Variants in PDHX observed in about 807,000 individuals in gnomAD.
PDHX encodes pyruvate dehydrogenase complex component X, also known as pyruvate dehydrogenase protein X component, mitochondrial.
PDHX carries 33 observed loss-of-function variants against 55.3 expected under a neutral mutation model. The observed-to-expected ratio is 0.60, with a 90% confidence interval of 0.45 to 0.80. The LOEUF is 0.80. Among genes scored for constraint, PDHX ranks in the 30% least tolerant of loss-of-function variants. The pLI, the probability that PDHX is intolerant of heterozygous loss-of-function variation, is 0.00. For synonymous variants in PDHX, 226 were observed against 219.4 expected, an observed-to-expected ratio of 1.03 and a Z score of -0.27; for missense variants, 622 against 619.9, an observed-to-expected ratio of 1.00 and a Z score of -0.04.
intron 3 of PDHX, among the ~76,000 whole-genome samples, chr11:34,955,289 T>C (rs1854880049): frequency 6.6e-6 from 1 of 152,102 alleles, no homozygotes; most frequent in East Asian, 1.9e-4. Context: ...ATTTACGTAT[T>C]TATACTAAGT....
intron 8 of PDHX, among the ~76,000 whole-genome samples, chr11:34,981,938 C>G (rs922999848): frequency 4.6e-5 from 7 of 151,982 alleles, no homozygotes; most frequent in African/African-American, 1.7e-4. Context: ...AAATGTTTTC[C>G]CATTCTGTAG....
chr11:34,944,576 A>G (rs1854579139), intron 2 of PDHX, among the ~76,000 whole-genome samples: 1 of 152,234 alleles, frequency 6.6e-6, no homozygotes, highest in Non-Finnish European at 1.5e-5. Context: ...ACCTGAAGAT[A>G]TAACTATCAA....
At chr11:34,925,420 C>A (rs143014945) in intron 1 of PDHX, among the ~76,000 whole-genome samples, 1 of 152,124 alleles carries the variant, frequency 6.6e-6, no homozygotes, top group African/African-American at 2.4e-5. Context: ...TTGATTATTA[C>A]GTATCTATTT....
intron 2 of PDHX, among the ~76,000 whole-genome samples, chr11:34,938,911 C>T (rs1442414820): frequency 6.6e-6 from 1 of 152,170 alleles, no homozygotes; most frequent in African/African-American, 2.4e-5. Flanking sequence ...TGTGTTCTGC[C>T]AACTGAAGGG....
In PDHX at chr11:34,939,333, G is replaced by A. The variant is rs190394330; in HGVS notation, c.241+7849G>A. On this transcript the variant is annotated intron_variant, in intron 2 of 10. Transcript: ENST00000227868. ...TCATGAAAAATGATAGTGTTGCATC[G>A]AATTATGAATCTAGTTTACTTCTAA... Among the ~76,000 whole-genome samples, 188 of 152,166 alleles carry A rather than the reference G, an allele frequency of 1.2e-3. No individual in the cohort carries two copies. In the Middle Eastern group the frequency reaches 0.017, roughly 14 times the overall value.
chr11:34,927,191 T>C (rs1854046899), intron 1 of PDHX, among the ~76,000 whole-genome samples: 1 of 150,956 alleles, frequency 6.6e-6, no homozygotes, highest in Admixed American at 6.6e-5. Flanking sequence ...TTGCTAGCTT[T>C]ATAAGAAGGA....
intron 8 of PDHX, among the ~76,000 whole-genome samples, chr11:34,982,250 A>G (rs927027783): frequency 5.3e-5 from 8 of 152,184 alleles, no homozygotes; most frequent in Non-Finnish European, 8.8e-5. Context: ...ACCATTTATT[A>G]AATAGGGAAT....
chr11:34,948,699 A>G (rs1391033847), intron 3 of PDHX, among the ~76,000 whole-genome samples: 1 of 151,948 alleles, frequency 6.6e-6, no homozygotes, highest in Non-Finnish European at 1.5e-5. Context: ...TTGATAATAC[A>G]GTTAACTTCC....
intron 3 of PDHX, among the ~76,000 whole-genome samples, chr11:34,953,881 G>T (rs753318316): frequency 3.3e-5 from 5 of 152,138 alleles, no homozygotes; most frequent in Non-Finnish European, 5.9e-5. Context: ...TGCTGTGCTG[G>T]AACAGTGCTT....
At chr11:34,949,340 A>G (rs1261856703) in intron 3 of PDHX, among the ~76,000 whole-genome samples, 1 of 152,126 alleles carries the variant, frequency 6.6e-6, no homozygotes. Context: ...CCTGGGTTGA[A>G]ATGATTTTCC....
At chr11:34,992,588 C>T (rs1243684463) in intron 10 of PDHX, among the ~76,000 whole-genome samples, 3 of 152,094 alleles carry the variant, frequency 2.0e-5, no homozygotes, top group Non-Finnish European at 2.9e-5. Context: ...TTGAACTAAA[C>T]GTTCGTTGGA....
chr11:34,947,193 G>T (rs1325139303), intron 2 of PDHX, among the ~76,000 whole-genome samples: 1 of 152,116 alleles, frequency 6.6e-6, no homozygotes, highest in Non-Finnish European at 1.5e-5. Flanking sequence ...TTTGTTCAGA[G>T]GTGGATACAC....
At chr11:34,950,728 G>A (rs1854740753) in intron 3 of PDHX, among the ~76,000 whole-genome samples, 3 of 150,032 alleles carry the variant, frequency 2.0e-5, no homozygotes, top group Admixed American at 6.6e-5. Context: ...TGGCTGCATA[G>A]TATTCCATGG....
intron 1 of PDHX, among the ~76,000 whole-genome samples, chr11:34,925,486 G>A (rs913562514): frequency 1.5e-4 from 23 of 151,964 alleles, no homozygotes; most frequent in African/African-American, 5.6e-4. Context: ...GTCCTTGTGG[G>A]TTTCTGCTTA....
At chr11:34,951,314 C>T (rs1332467666) in intron 3 of PDHX, among the ~76,000 whole-genome samples, 2 of 150,758 alleles carry the variant, frequency 1.3e-5, no homozygotes, top group Non-Finnish European at 1.5e-5. Flanking sequence ...CCGCCTCGGC[C>T]TCCCAAAGTG....
Position 34,951,885 on chromosome 11 carries a change from G to A in PDHX, c.342+4279G>A, listed in dbSNP as rs564005614. On this transcript the variant is annotated intron_variant, in intron 3 of 10. Transcript: ENST00000227868. ...GAATTAATTTTTGTATACAGTGTAA[G>A]GAAGGGATCCAGTTTCAGCTTTCTA... Among the ~76,000 whole-genome samples the A allele has an allele frequency of 2.4e-3, 371 of 152,258 alleles. 1 individual carries two copies. The highest frequency in any genetic ancestry group is 8.4e-3 in the African/African-American group (347 of 41,534).
chr11:34,943,645 G>T (rs980426180), intron 2 of PDHX, among the ~76,000 whole-genome samples: 1 of 152,002 alleles, frequency 6.6e-6, no homozygotes, highest in African/African-American at 2.4e-5. Flanking sequence ...GGTCATTTTT[G>T]GTCTCTTCCT....
chr11:34,991,605 A>G (rs1564935395), intron 9 of PDHX, among the ~76,000 whole-genome samples: 1 of 152,034 alleles, frequency 6.6e-6, no homozygotes, highest in Non-Finnish European at 1.5e-5. Flanking sequence ...CCATTGGATA[A>G]TTTATTTAAA....
At chr11:34,989,097 C>T (rs1855708239) in intron 9 of PDHX, among the ~76,000 whole-genome samples, 1 of 152,178 alleles carries the variant, frequency 6.6e-6, no homozygotes, top group South Asian at 2.1e-4. Context: ...CTGCTACACG[C>T]CTAGGCTTTG....
Sources: gnomAD v4.1 joint callset for allele counts (sites outside exome capture counted in the v4.1 genomes callset) on GRCh38, gnomAD v4.1.1 for gene constraint, MANE v1.5 for transcripts, NCBI Gene and HGNC (gene_info 2026-07-23, HGNC 2026-07-21) for gene names.